The following SHANK2 variants were observed in gnomAD, a reference collection of about 807,000 sequenced individuals.
SHANK2 encodes the protein SH3 and multiple ankyrin repeat domains 2.
A neutral mutation model predicts 133.7 loss-of-function variants in SHANK2; 43 were observed. That is an observed-to-expected ratio of 0.32 (90% CI 0.25 to 0.41). SHANK2 has a LOEUF of 0.41. Among genes scored for constraint, SHANK2 ranks in the 10% least tolerant of loss-of-function variants. The pLI, the probability that SHANK2 is intolerant of heterozygous loss-of-function variation, is 1.00. For synonymous variants in SHANK2, 1,017 were observed against 952.8 expected (o/e 1.07, Z -1.24); for missense variants, 1,994 against 2,235.8 (o/e 0.89, Z 2.18).
chr11:70,769,024 G>A (rs1591827857), intron 14 of SHANK2, among the ~76,000 whole-genome samples: 1 of 152,098 alleles, frequency 6.6e-6, no homozygotes, highest in East Asian at 1.9e-4. Flanking sequence ...CTGCCTTGTC[G>A]GGGTCTGTCC....
At chr11:70,812,698 G>A (rs923399127) in intron 12 of SHANK2, among the ~76,000 whole-genome samples, 2 of 152,222 alleles carry the variant, frequency 1.3e-5, no homozygotes, top group African/African-American at 4.8e-5. Context: ...GAGAAGGGCT[G>A]CCCCGCTCAG....
chr11:70,666,578 C>G (rs1193239601), intron 15 of SHANK2, among the ~76,000 whole-genome samples: 1 of 152,196 alleles, frequency 6.6e-6, no homozygotes, highest in African/African-American at 2.4e-5. Flanking sequence ...GAACCAGAGT[C>G]TGCCCTGACC....
intron 3 of SHANK2, among the ~76,000 whole-genome samples, chr11:71,123,875 G>C (rs1221662845): frequency 2.6e-5 from 4 of 152,054 alleles, no homozygotes; most frequent in Non-Finnish European, 4.4e-5. Context: ...TCTGTGCACA[G>C]GGTCCTATAC....
chr11:70,868,646 T>G lies in SHANK2; in HGVS notation c.1174+27855A>C, dbSNP rs568494548. On this transcript the variant is annotated intron_variant, in intron 11 of 25. Transcript: ENST00000601538. Reference sequence around the variant, plus strand: ...TGGGCCATGTCCACATCTTACACAGTCAGCCTCACACCCCACGGGGGCAGC... The same window carrying G: ...TGGGCCATGTCCACATCTTACACAGGCAGCCTCACACCCCACGGGGGCAGC... Among the ~76,000 whole-genome samples the G allele has an allele frequency of 5.9e-5, 9 of 152,252 alleles. No homozygotes were observed. In the East Asian group the frequency reaches 1.7e-3, roughly 29 times the overall value.
chr11:70,932,755 T>C (rs1378738896), intron 10 of SHANK2, among the ~76,000 whole-genome samples: 23 of 152,084 alleles, frequency 1.5e-4, no homozygotes, highest in African/African-American at 4.3e-4. Context: ...CCATACAATA[T>C]TGTCCTGGTG....
At chr11:70,800,281 T>A (rs545951668) in intron 13 of SHANK2, among the ~76,000 whole-genome samples, 1 of 152,336 alleles carries the variant, frequency 6.6e-6, no homozygotes, top group African/African-American at 2.4e-5. Context: ...TGCCTCCACC[T>A]CCCAAAGTGG....
At chr11:70,782,866 G>A (rs782379629) in intron 14 of SHANK2, among the ~76,000 whole-genome samples, 17 of 152,166 alleles carry the variant, frequency 1.1e-4, no homozygotes, top group Admixed American at 2.0e-4. Flanking sequence ...GGAAGGGCCC[G>A]TCAGTAGTGA....
intron 15 of SHANK2, among the ~76,000 whole-genome samples, chr11:70,677,284 C>G (rs1458982325): frequency 6.6e-6 from 1 of 152,172 alleles, no homozygotes; most frequent in Non-Finnish European, 1.5e-5. Flanking sequence ...CCAGACACCC[C>G]AGACAAGCCA....
intron 14 of SHANK2, among the ~76,000 whole-genome samples, chr11:70,776,209 T>C (rs1403441987): frequency 6.6e-6 from 1 of 152,100 alleles, no homozygotes; most frequent in Non-Finnish European, 1.5e-5. Flanking sequence ...ACATCAGACT[T>C]CTGGAACACC....
At position 71,196,008 on chromosome 11, in the gene SHANK2, C is replaced by A. The variant is rs561383793; in HGVS notation, c.-13+28689G>T. On this transcript the variant is annotated intron_variant, in intron 2 of 25. Coordinates refer to ENST00000601538, the MANE Select transcript of SHANK2 (RefSeq NM_012309.5). ...ACCAGCCTGAGCAACATAGCGAGAC[C>A]CTGTCTCTACAAAAATATTTAAAAA... 2.6e-5 allele frequency among the ~76,000 whole-genome samples: 4 copies of A among 152,014 alleles called. No homozygotes were observed. The South Asian group carries it at 8.4e-4, about 32-fold the overall frequency.
At chr11:71,123,055 T>A (rs1382160769) in intron 3 of SHANK2, among the ~76,000 whole-genome samples, 2 of 151,936 alleles carry the variant, frequency 1.3e-5, no homozygotes, top group African/African-American at 2.4e-5. Flanking sequence ...CCCAGGGAGC[T>A]CCCCTCCCTC....
intron 2 of SHANK2, among the ~76,000 whole-genome samples, chr11:71,167,730 C>T (rs1555111309): frequency 4.3e-5 from 6 of 138,874 alleles, no homozygotes; most frequent in Middle Eastern, 4.3e-3. Flanking sequence ...TCCTCACTTC[C>T]CAGTAGGGGC....
rs1201538362 is a variant in SHANK2 at position 70,641,345 on chromosome 11, G to A, written c.2061+18483C>T. ...CCTGACCTTGTGATCTGCCCGCCTT[G>A]GCCTCCCAAAGTGCTGGGATTACAG... On this transcript the variant is annotated intron_variant, in intron 17 of 25. Coordinates refer to ENST00000601538, the MANE Select transcript of SHANK2 (RefSeq NM_012309.5). Among the ~76,000 whole-genome samples the A allele has an allele frequency of 3.3e-5, 5 of 152,244 alleles. No individual in the cohort carries two copies. In the East Asian group the frequency reaches 7.7e-4, roughly 24 times the overall value.
intron 11 of SHANK2, among the ~76,000 whole-genome samples, chr11:70,870,433 A>G (rs972697458): frequency 1.3e-5 from 2 of 152,202 alleles, no homozygotes; most frequent in South Asian, 2.1e-4. Flanking sequence ...TTCCTGGGCC[A>G]TAACTGAGAT....
chr11:71,109,976 C>A lies in SHANK2; in HGVS notation c.557G>T (p.Gly186Val). ...VEKITKMLDR[G>V]LDPNFHDPET... ...CGGGTCGTGGAAATTGGGATCCAGG[C>A]CTCGGTCCAGCATCTTGGTGATCTT... The change falls in exon 6 of 26, where the codon GGC becomes GTC. Residue 186 changes from glycine (G) to valine (V), a missense_variant. Physicochemically the swap from Gly to Val is moderately radical, Grantham distance 109. Coordinates refer to ENST00000601538, the MANE Select transcript of SHANK2 (RefSeq NM_012309.5). 1 of 1,551,710 alleles carries A rather than the reference C, an allele frequency of 6.4e-7. No individual in the cohort carries two copies. The highest frequency in any genetic ancestry group is 8.7e-7 in the Non-Finnish European group (1 of 1,146,950).
intron 14 of SHANK2, among the ~76,000 whole-genome samples, chr11:70,731,012 T>C (rs1946278886): frequency 6.6e-6 from 1 of 152,176 alleles, no homozygotes; most frequent in Admixed American, 6.5e-5. Context: ...CACTCCATGT[T>C]ATGGACTAAC....
Position 70,882,353 on chromosome 11 carries a change from T to A in SHANK2, c.1174+14148A>T, listed in dbSNP as rs1555072588. ...GGCAGGCAGAAAGGCCCCTGGGCTG[T>A]GCCTGTAGCTAGGAGCTGGGAACCA... is the stretch of plus-strand genomic sequence containing the variant. On this transcript the variant is annotated intron_variant, in intron 11 of 25. Transcript: ENST00000601538. The surrounding 1 kb of genome is among the most constrained non-coding windows in gnomAD (Gnocchi z 4.2). Among the ~76,000 whole-genome samples the A allele has an allele frequency of 6.6e-6, 1 of 152,208 alleles. No individual in the cohort carries two copies. Among genetic ancestry groups the A allele is most frequent in the African/African-American group, 2.4e-5 (1 of 41,452 alleles).
Position 71,186,658 on chromosome 11 carries a change from C to T in SHANK2, c.-13+38039G>A, listed in dbSNP as rs2135564125. ...GTAAGCAGAAGCACTCCCTGCATGT[C>T]ACATAGCCCTCGATCACTGAGAAGT... On this transcript the variant is annotated intron_variant, in intron 2 of 25. Transcript: ENST00000601538. 1.3e-5 allele frequency among the ~76,000 whole-genome samples: 2 copies of T among 152,376 alleles called. 1 individual carries two copies. The highest frequency in any genetic ancestry group is 4.1e-4 in the South Asian group (2 of 4,834).
intron 11 of SHANK2, among the ~76,000 whole-genome samples, chr11:70,862,317 C>T (rs57573138): frequency 0.026 from 3,948 of 152,278 alleles, 158 homozygotes; most frequent in African/African-American, 0.09. Flanking sequence ...GATCCCTCTT[C>T]GAGCTCCTGG....
Sources: allele counts gnomAD v4.1 joint callset (sites outside exome capture counted in the v4.1 genomes callset), GRCh38; gene constraint gnomAD v4.1.1; non-coding constraint Gnocchi (gnomAD v3.1); transcripts MANE v1.5; gene names NCBI Gene and HGNC (gene_info 2026-07-23, HGNC 2026-07-21).